PTPRT: variants seen among roughly 807,000 people sequenced by gnomAD.
PTPRT encodes protein tyrosine phosphatase receptor type T, also known as receptor-type tyrosine-protein phosphatase T.
In PTPRT, 56 loss-of-function variants were observed where a neutral mutation model predicts 176.8. That is an observed-to-expected ratio of 0.32 (90% CI 0.26 to 0.40). The LOEUF is 0.40. Among genes scored for constraint, PTPRT ranks in the 10% least tolerant of loss-of-function variants. PTPRT has a pLI of 1.00. For synonymous variants in PTPRT, 783 were observed against 739.0 expected (o/e 1.06, Z -0.96); for missense variants, 1,540 against 1,908.2 (o/e 0.81, Z 3.60).
chr20:42,881,112 G>T (rs1026345623), intron 2 of PTPRT, among the ~76,000 whole-genome samples: 5 of 152,138 alleles, frequency 3.3e-5, no homozygotes, highest in African/African-American at 1.2e-4. Context: ...CCCAGAGATT[G>T]CAAGAACCAG....
chr20:42,247,166 A>C (rs2056466327), intron 14 of PTPRT, among the ~76,000 whole-genome samples: 1 of 152,232 alleles, frequency 6.6e-6, no homozygotes, highest in Admixed American at 6.5e-5. Context: ...CTTAGCTCTT[A>C]AGCCATTGTG....
rs544464167 is a variant in PTPRT, at chr20:42,473,995, C to T, written c.1154-1433G>A. ...AATGATGATAATAATAGTAGCTAAC[C>T]TCATGGCAGGGGGAAGAGGAAGTTA... On this transcript the variant is annotated intron_variant, in intron 7 of 30. Coordinates refer to ENST00000373187, the MANE Select transcript of PTPRT (RefSeq NM_007050.6). Among the ~76,000 whole-genome samples, 10 of 152,220 alleles carry T rather than the reference C, an allele frequency of 6.6e-5. No homozygotes were observed. In the East Asian group the frequency reaches 1.7e-3, roughly 26 times the overall value.
At chr20:43,104,648 A>G (rs1264545027) in intron 1 of PTPRT, among the ~76,000 whole-genome samples, 1 of 152,242 alleles carries the variant, frequency 6.6e-6, no homozygotes, top group African/African-American at 2.4e-5. Flanking sequence ...TGTCATTGAC[A>G]TTGGGAATGC....
intron 12 of PTPRT, among the ~76,000 whole-genome samples, chr20:42,286,725 G>T (rs1238064641): frequency 6.6e-6 from 1 of 151,582 alleles, no homozygotes; most frequent in Non-Finnish European, 1.5e-5. Flanking sequence ...TATAGGCAAA[G>T]AAAGCAAAAA....
At chr20:42,417,090 T>A (rs1236482276) in intron 9 of PTPRT, among the ~76,000 whole-genome samples, 3 of 152,174 alleles carry the variant, frequency 2.0e-5, no homozygotes, top group Admixed American at 2.0e-4. Context: ...TGCCCTATCA[T>A]CTCCAAGTAA....
At chr20:43,040,373 A>G (rs2425549) in intron 1 of PTPRT, among the ~76,000 whole-genome samples, 48,139 of 151,994 alleles carry the variant, frequency 0.32, 10,539 homozygotes, top group African/African-American at 0.62. Flanking sequence ...TAACTCACAC[A>G]GCCAATATGG....
downstream of PTPRT, among the ~76,000 whole-genome samples, chr20:42,068,742 CG>C (rs1982188901): frequency 6.6e-6 from 1 of 152,216 alleles, no homozygotes; most frequent in African/African-American, 2.4e-5. Context: ...AAATTCCTCC[CG>C]GATTCACACA....
chr20:43,055,472 T>G (rs1038821346), intron 1 of PTPRT, among the ~76,000 whole-genome samples: 1 of 152,174 alleles, frequency 6.6e-6, no homozygotes, highest in East Asian at 1.9e-4. Flanking sequence ...AAGTCTTTCC[T>G]GGGACTCTGA....
chr20:42,495,299 C>A (rs181026639), intron 7 of PTPRT, among the ~76,000 whole-genome samples: 1 of 152,192 alleles, frequency 6.6e-6, no homozygotes, highest in South Asian at 2.1e-4. Context: ...AGGTTCAGCA[C>A]TTTAACTGGG....
chr20:42,226,302 T>C (rs1256446635), intron 15 of PTPRT, among the ~76,000 whole-genome samples: 2 of 152,184 alleles, frequency 1.3e-5, no homozygotes, highest in Non-Finnish European at 2.9e-5. Flanking sequence ...ATGACTCCCA[T>C]TTTACAGATG....
intron 13 of PTPRT, among the ~76,000 whole-genome samples, chr20:42,281,402 T>C (rs1028965968): frequency 6.6e-6 from 1 of 152,160 alleles, no homozygotes; most frequent in African/African-American, 2.4e-5. Flanking sequence ...TCCTGCATCT[T>C]CTCTTTTGTG....
rs1213478473 is a variant in PTPRT, at chr20:43,146,216, T to C, written c.88+43430A>G. Among the ~76,000 whole-genome samples, 3 of 152,316 alleles carry C rather than the reference T, an allele frequency of 2.0e-5. No individual in the cohort carries two copies. The East Asian group carries it at 5.8e-4, about 29-fold the overall frequency. ...TGACACACTAAATATTACCTCTCTG[T>C]ATTGAATGGATGACGCTGAGACAAT... On this transcript the variant is annotated intron_variant, in intron 1 of 30. Transcript: ENST00000373187.
intron 1 of PTPRT, among the ~76,000 whole-genome samples, chr20:43,124,917 G>A (rs1224368891): frequency 6.6e-6 from 1 of 152,136 alleles, no homozygotes; most frequent in Non-Finnish European, 1.5e-5. Flanking sequence ...ACAGATTTTT[G>A]AGATAAGCAT....
intron 2 of PTPRT, among the ~76,000 whole-genome samples, chr20:42,873,666 G>A (rs955028509): frequency 6.6e-6 from 1 of 151,438 alleles, no homozygotes; most frequent in African/African-American, 2.4e-5. Flanking sequence ...TTAATAAGAT[G>A]TTTTTACATG....
At chr20:42,495,202 G>A (rs1014523641) in intron 7 of PTPRT, among the ~76,000 whole-genome samples, 1 of 152,136 alleles carries the variant, frequency 6.6e-6, no homozygotes, top group Non-Finnish European at 1.5e-5. Context: ...CAGACCCAAT[G>A]GCAAAAGATA....
intron 7 of PTPRT, among the ~76,000 whole-genome samples, chr20:42,632,552 G>A (rs988826843): frequency 1.3e-4 from 20 of 151,680 alleles, no homozygotes; most frequent in Admixed American, 3.9e-4. Flanking sequence ...AAAACCAGCC[G>A]TTCACTGTTA....
intron 1 of PTPRT, among the ~76,000 whole-genome samples, chr20:42,982,640 C>T (rs989975640): frequency 3.3e-5 from 5 of 151,408 alleles, no homozygotes; most frequent in African/African-American, 7.3e-5. Context: ...AGGGGAGGAG[C>T]GATGGGAGAT....
rs200617097 is a variant in PTPRT at position 42,110,500 on chromosome 20, C to T, written c.3100-13G>A. On this transcript the variant is annotated splice_polypyrimidine_tract_variant and intron_variant, in intron 22 of 30. Coordinates refer to ENST00000373187, the MANE Select transcript of PTPRT (RefSeq NM_007050.6). Reference sequence around the variant, plus strand: ...CATGGTAGCCTTTCTGAGGAAAGAACGGGCCTCTGTTCTTCCAGCTGCTGC... The same window carrying T: ...CATGGTAGCCTTTCTGAGGAAAGAATGGGCCTCTGTTCTTCCAGCTGCTGC... 12 of 1,588,170 alleles carry T rather than the reference C, an allele frequency of 7.6e-6. No individual in the cohort carries two copies. Among genetic ancestry groups the T allele is most frequent in the East Asian group, 4.5e-5 (2 of 44,536 alleles).
intron 6 of PTPRT, chr20:42,686,208 A>G (rs766264601): frequency 6.6e-6 from 1 of 152,214 alleles, no homozygotes; most frequent in Non-Finnish European, 1.5e-5. Flanking sequence ...AAGGTTACCT[A>G]GAAAGCAGCT....
Sources: allele counts gnomAD v4.1 joint callset (sites outside exome capture counted in the v4.1 genomes callset), GRCh38; gene constraint gnomAD v4.1.1; transcripts MANE v1.5; gene names NCBI Gene and HGNC (gene_info 2026-07-23, HGNC 2026-07-21).